The following PHKB variants were observed in gnomAD, a reference collection of about 807,000 sequenced individuals.
PHKB encodes phosphorylase b kinase regulatory subunit beta.
A neutral mutation model predicts 152.1 loss-of-function variants in PHKB; 122 were observed. The ratio of observed to expected loss-of-function variants is 0.80; its 90% confidence interval spans 0.69 to 0.93. The LOEUF is 0.93. PHKB is among the 40% of genes least tolerant of loss of function. The pLI is 0.00. For synonymous variants in PHKB, 436 were observed against 464.9 expected, an observed-to-expected ratio of 0.94 and a Z score of 0.80; for missense variants, 1,304 against 1,328.4, an observed-to-expected ratio of 0.98 and a Z score of 0.29.
intron 20 of PHKB, among the ~76,000 whole-genome samples, chr16:47,657,072 C>G (rs1290965332): frequency 1.3e-5 from 2 of 152,130 alleles, no homozygotes; most frequent in East Asian, 1.9e-4. Flanking sequence ...GAATTAATTT[C>G]TCCTTTCATT....
chr16:47,673,125 TG>T lies in PHKB; in HGVS notation c.2630+3710del, dbSNP rs1403756517. ...GGACTATTTCAGTTGGGGAGCAATC[TG>T]GTATTTTTTTTTTTTTTATTAAGGA... On this transcript the variant is annotated intron_variant, in intron 26 of 30. Transcript: ENST00000323584. Among the ~76,000 whole-genome samples, 4 of 42,516 alleles carry T rather than the reference TG, an allele frequency of 9.4e-5. No individual in the cohort carries two copies. The East Asian group carries it at 3.4e-3, about 37-fold the overall frequency. 27.9% of individuals were successfully genotyped at this position (42,516 alleles called of 152,430 possible).
rs1213205871 is a variant in PHKB at position 47,648,191 on chromosome 16, A to C, written c.1609-342A>C. ...AGGAGATTATGGCCCTCGTTTTTAA[A>C]ATGTTAAACAACTGGATTTTTTTAA... On this transcript the variant is annotated intron_variant, in intron 16 of 30. Transcript: ENST00000323584. Among the ~76,000 whole-genome samples, 3 of 152,198 alleles carry C rather than the reference A, an allele frequency of 2.0e-5. No individual in the cohort carries two copies. The East Asian group carries it at 5.8e-4, about 29-fold the overall frequency.
intron 1 of PHKB, among the ~76,000 whole-genome samples, chr16:47,480,005 A>T (rs1055141285): frequency 6.6e-6 from 1 of 152,140 alleles, no homozygotes; most frequent in East Asian, 1.9e-4. Context: ...ATTGCTATAA[A>T]CGTTAAAATT....
At chr16:47,590,687 G>A (rs1381014446) in intron 10 of PHKB, 1 of 152,112 alleles carries the variant, frequency 6.6e-6, no homozygotes, top group East Asian at 1.9e-4. Flanking sequence ...TCTTGCTTTG[G>A]ATCTGTCCAG....
chr16:47,583,976 G>A (rs1045931696), intron 8 of PHKB, among the ~76,000 whole-genome samples: 2 of 151,724 alleles, frequency 1.3e-5, no homozygotes, highest in African/African-American at 2.4e-5. Flanking sequence ...GTTGTTGGGT[G>A]GTAAAGTTTT....
chr16:47,461,568 G>A (rs950023161), intron 1 of PHKB, 142 bp downstream of exon 1: 1 of 835,852 alleles, frequency 1.2e-6, no homozygotes. Flanking sequence ...GGCGGCCCTG[G>A]CCTTGTTTCT....
chr16:47,613,445 A>G (rs2151710643), intron 14 of PHKB, among the ~76,000 whole-genome samples: 1 of 152,258 alleles, frequency 6.6e-6, no homozygotes, highest in Middle Eastern at 3.4e-3. Flanking sequence ...GCAGCATCTC[A>G]ATTGTTTAAG....
chr16:47,509,016 T>G (rs1229116933), intron 4 of PHKB, among the ~76,000 whole-genome samples: 1 of 152,232 alleles, frequency 6.6e-6, no homozygotes, highest in Non-Finnish European at 1.5e-5. Context: ...CCTGCTGGGT[T>G]CTTGCATGTC....
intron 6 of PHKB, among the ~76,000 whole-genome samples, chr16:47,545,181 C>G (rs776456636): frequency 6.6e-6 from 1 of 152,146 alleles, no homozygotes; most frequent in Non-Finnish European, 1.5e-5. Flanking sequence ...GCAGTTTCTT[C>G]CTAGCATCGA....
chr16:47,526,732 C>T (rs1289881891), intron 6 of PHKB, among the ~76,000 whole-genome samples: 1 of 152,104 alleles, frequency 6.6e-6, no homozygotes, highest in Admixed American at 6.5e-5. Flanking sequence ...CATATCAATA[C>T]TTGTAGCATA....
chr16:47,497,263 C>CAAGT (rs1970247584), intron 1 of PHKB, 136 bp from the exon 2 acceptor site: 1 of 655,332 alleles, frequency 1.5e-6, no homozygotes. Flanking sequence ...AGAAGGTTTA[C>CAAGT]AAGTAGTAAA....
intron 26 of PHKB, among the ~76,000 whole-genome samples, chr16:47,670,159 A>C (rs1973613584): frequency 6.6e-6 from 1 of 152,240 alleles, no homozygotes; most frequent in South Asian, 2.1e-4. Context: ...TTTTTTAAAT[A>C]CATTTTTTAT....
Position 47,503,102 on chromosome 16 carries a change from TG to T in PHKB, c.405+14del. On this transcript the variant is annotated intron_variant, in intron 4 of 30. Transcript: ENST00000323584. ...GTCAGGCCGATAAGGTAAAACATTG[TG>T]GTGTGGACGGGAATTCTCCCATCAT... 1 of 1,490,290 alleles carries T rather than the reference TG, an allele frequency of 6.7e-7. No homozygotes were observed. The highest frequency in any genetic ancestry group is 9.4e-7 in the Non-Finnish European group (1 of 1,067,252). The allele number at this position is 1,490,290 out of a possible 1,614,324, so 92.3% of individuals were successfully genotyped here. A position where few individuals can be genotyped will look rare whatever the true frequency, so the allele number is the denominator to read the frequency against.
chr16:47,664,806 G>A, intron 24 of PHKB, 79 bp from the exon 25 acceptor site: 1 of 844,654 alleles, frequency 1.2e-6, no homozygotes, highest in Non-Finnish European at 2.0e-6. Context: ...TTAGAATGCT[G>A]ACTGTTATGT....
At chr16:47,608,200 A>G (rs1264710840) in intron 13 of PHKB, among the ~76,000 whole-genome samples, 3 of 152,116 alleles carry the variant, frequency 2.0e-5, no homozygotes, top group Non-Finnish European at 4.4e-5. Context: ...ATGAAATCCA[A>G]TTTATCTCTT....
intron 7 of PHKB, among the ~76,000 whole-genome samples, chr16:47,577,800 T>C (rs1597098532): frequency 1.3e-5 from 2 of 152,320 alleles, no homozygotes; most frequent in South Asian, 2.1e-4. Context: ...TCTTTAATTT[T>C]CAGAAGTTAC....
At chr16:47,502,671 C>T (rs1970342653) in intron 3 of PHKB, among the ~76,000 whole-genome samples, 1 of 152,172 alleles carries the variant, frequency 6.6e-6, no homozygotes, top group African/African-American at 2.4e-5. Context: ...TTAAAACAAT[C>T]TGTTGGTGGA....
intron 10 of PHKB, among the ~76,000 whole-genome samples, chr16:47,589,540 T>A (rs1971992086): frequency 6.6e-6 from 1 of 152,254 alleles, no homozygotes; most frequent in African/African-American, 2.4e-5. Context: ...CAAATTCTTT[T>A]ATTAAAACTG....
Position 47,700,027 on chromosome 16 carries a change from T to C in PHKB, c.*661T>C, listed in dbSNP as rs1471769476. On this transcript the variant is annotated 3_prime_UTR_variant, in exon 31 of 31. Coordinates refer to ENST00000323584, the MANE Select transcript of PHKB (RefSeq NM_000293.3). ...ATTTTCTTTGAGCTCCTGCTAAAAA[T>C]AGGACATGTCTATGATTGTTCAAAA... is the stretch of plus-strand genomic sequence containing the variant. 1 of 155,358 alleles carries C rather than the reference T, an allele frequency of 6.4e-6. No individual in the cohort carries two copies. Among genetic ancestry groups the C allele is most frequent in the Non-Finnish European group, 1.4e-5 (1 of 70,106 alleles). 9.6% of individuals were successfully genotyped at this position (155,358 alleles called of 1,614,324 possible).
Sources: allele counts gnomAD v4.1 joint callset (sites outside exome capture counted in the v4.1 genomes callset), GRCh38; gene constraint gnomAD v4.1.1; transcripts MANE v1.5; gene names NCBI Gene and HGNC (gene_info 2026-07-23, HGNC 2026-07-21).